Variants in STX8 observed in about 807,000 individuals in gnomAD.
STX8 encodes syntaxin-8.
In STX8, 23 loss-of-function variants were observed where a neutral mutation model predicts 37.5. That is an observed-to-expected ratio of 0.61 (90% CI 0.44 to 0.87). The LOEUF (loss-of-function observed/expected upper bound fraction) is 0.87, where lower values mean the gene tolerates loss of function less well. Ranked by LOEUF, STX8 falls within the 40% of genes least tolerant of loss-of-function variation. The probability of loss-of-function intolerance (pLI) is 0.00; values close to 1 mark genes in which losing one functional copy is unlikely to be tolerated. For synonymous variants in STX8, 115 were observed against 99.1 expected (o/e 1.16, Z -0.95); for missense variants, 313 against 284.7 (o/e 1.10, Z -0.71).
intron 6 of STX8, among the ~76,000 whole-genome samples, chr17:9,420,270 C>T (rs990276165): frequency 1.3e-5 from 2 of 152,196 alleles, no homozygotes; most frequent in Non-Finnish European, 2.9e-5. Context: ...CCCACAGCAG[C>T]GGCCCTGAAC....
intron 7 of STX8, among the ~76,000 whole-genome samples, chr17:9,333,724 G>C (rs919363738): frequency 2.0e-5 from 3 of 152,030 alleles, no homozygotes; most frequent in African/African-American, 7.3e-5. Context: ...CTTCAAGCAG[G>C]AGGTCATGTA....
chr17:9,556,792 TATAC>T (rs1181831001), intron 3 of STX8: 41 of 23,292 alleles, frequency 1.8e-3, no homozygotes, highest in African/African-American at 6.5e-3. Flanking sequence ...TATATATATA[TATAC>T]ACATACATAT....
intron 1 of STX8, among the ~76,000 whole-genome samples, chr17:9,570,513 T>C (rs1392160960): frequency 1.3e-5 from 2 of 152,064 alleles, no homozygotes; most frequent in Admixed American, 1.3e-4. Context: ...TATATATTCG[T>C]ATATGTCACA....
At chr17:9,480,840 A>C (rs2142453745) in intron 6 of STX8, among the ~76,000 whole-genome samples, 1 of 151,902 alleles carries the variant, frequency 6.6e-6, no homozygotes, top group East Asian at 1.9e-4. Flanking sequence ...TATACTCCAC[A>C]TTTGGAGGGG....
At chr17:9,430,086 ATTCTATATAATATATATATT>A (rs1412995888) in intron 6 of STX8, among the ~76,000 whole-genome samples, 21 of 62,980 alleles carry the variant, frequency 3.3e-4, no homozygotes, top group Non-Finnish European at 6.0e-4. Flanking sequence ...TAATATATAT[ATTCTATATAATATATATATT>A]TTATATATAA....
intron 7 of STX8, among the ~76,000 whole-genome samples, chr17:9,342,161 A>G (rs143336259): frequency 2.1e-3 from 327 of 152,260 alleles, no homozygotes; most frequent in African/African-American, 6.4e-3. Context: ...TGCAGTTCAC[A>G]ATAGGGTTTG....
chr17:9,288,661 C>T (rs570418686), intron 7 of STX8, among the ~76,000 whole-genome samples: 17 of 148,100 alleles, frequency 1.1e-4, no homozygotes, highest in South Asian at 6.3e-4. Flanking sequence ...GACTCCGTCT[C>T]GAAATAAATA....
chr17:9,411,824 CT>C (rs965600278), intron 6 of STX8, among the ~76,000 whole-genome samples: 2 of 152,078 alleles, frequency 1.3e-5, no homozygotes, highest in African/African-American at 4.8e-5. Context: ...ATCTCTCAGC[CT>C]TTTTAGAAGC....
chr17:9,448,177 A>AT (rs1904918557), intron 6 of STX8, among the ~76,000 whole-genome samples: 1 of 151,452 alleles, frequency 6.6e-6, no homozygotes, highest in African/African-American at 2.4e-5. Flanking sequence ...TCCATCTCAA[A>AT]AAAAAAAAAA....
At chr17:9,419,732 G>A (rs1228890218) in intron 6 of STX8, among the ~76,000 whole-genome samples, 1 of 152,106 alleles carries the variant, frequency 6.6e-6, no homozygotes, top group East Asian at 1.9e-4. Flanking sequence ...TGTTTCCTGA[G>A]CCCATAGAGC....
chr17:9,474,611 T>C (rs942876022), intron 6 of STX8, among the ~76,000 whole-genome samples: 1 of 152,196 alleles, frequency 6.6e-6, no homozygotes. Flanking sequence ...ACAAGACTGT[T>C]CTAACTTCAG....
At chr17:9,480,741 T>C (rs780609936) in intron 6 of STX8, among the ~76,000 whole-genome samples, 12 of 152,202 alleles carry the variant, frequency 7.9e-5, no homozygotes, top group South Asian at 2.1e-4. Flanking sequence ...CAAAGTCCGC[T>C]GAATGAAATC....
chr17:9,284,585 G>A (rs747146062), intron 7 of STX8, among the ~76,000 whole-genome samples: 1 of 152,044 alleles, frequency 6.6e-6, no homozygotes, highest in Non-Finnish European at 1.5e-5. Context: ...AATGACAGTT[G>A]TTTAAAAAAT....
At chr17:9,261,584 A>G (rs959295133) in intron 7 of STX8, among the ~76,000 whole-genome samples, 1 of 152,186 alleles carries the variant, frequency 6.6e-6, no homozygotes, top group Non-Finnish European at 1.5e-5. Context: ...CTTCCTGCAC[A>G]GAAAGTGCTG....
At chr17:9,526,609 C>T (rs1296425954) in intron 4 of STX8, among the ~76,000 whole-genome samples, 2 of 152,206 alleles carry the variant, frequency 1.3e-5, no homozygotes, top group South Asian at 2.1e-4. Flanking sequence ...AACAGGCTCA[C>T]GCCTGTAATC....
At chr17:9,539,655 C>G (rs931706511) in intron 4 of STX8, among the ~76,000 whole-genome samples, 2 of 141,886 alleles carry the variant, frequency 1.4e-5, no homozygotes, top group African/African-American at 5.5e-5. Context: ...GACAAAGCAA[C>G]CCAACTGACC....
At chr17:9,339,044 C>T (rs890694952) in intron 7 of STX8, among the ~76,000 whole-genome samples, 21 of 141,856 alleles carry the variant, frequency 1.5e-4, no homozygotes, top group African/African-American at 5.9e-4. Context: ...GCACTCCAGC[C>T]TGGTTGACAA....
At chr17:9,503,829 A>G (rs887437343) in intron 5 of STX8, among the ~76,000 whole-genome samples, 12 of 152,180 alleles carry the variant, frequency 7.9e-5, no homozygotes, top group African/African-American at 1.2e-4. Flanking sequence ...GTGACATGCT[A>G]TATCGGCTCA....
intron 4 of STX8, among the ~76,000 whole-genome samples, chr17:9,522,050 CCAACT>C (rs1905357550): frequency 6.6e-6 from 1 of 152,008 alleles, no homozygotes; most frequent in African/African-American, 2.4e-5. Context: ...TTTTGGGTCT[CCAACT>C]CAAATTTCAA....
Sources: gnomAD v4.1 joint callset for allele counts (sites outside exome capture counted in the v4.1 genomes callset) on GRCh38, gnomAD v4.1.1 for gene constraint, MANE v1.5 for transcripts, NCBI Gene and HGNC (gene_info 2026-07-23, HGNC 2026-07-21) for gene names.